ALOX5AP: variants seen among roughly 807,000 people sequenced by gnomAD.
The protein encoded by ALOX5AP is arachidonate 5-lipoxygenase activating protein.
In ALOX5AP, 9 loss-of-function variants were observed where a neutral mutation model predicts 18.5. The observed-to-expected ratio is 0.49, with a 90% CI of 0.29 to 0.85. The LOEUF is 0.85. Among genes scored for constraint, ALOX5AP ranks in the 40% least tolerant of loss-of-function variants. ALOX5AP has a pLI of 0.08. For missense variants in ALOX5AP, 172 were observed against 202.5 expected, an observed-to-expected ratio of 0.85 and a Z score of 0.91; for synonymous variants, 81 against 78.6, an observed-to-expected ratio of 1.03 and a Z score of -0.16.
At chr13:30,753,903 T>C (rs1951871484) in intron 3 of ALOX5AP, among the ~76,000 whole-genome samples, 1 of 152,218 alleles carries the variant, frequency 6.6e-6, no homozygotes, top group African/African-American at 2.4e-5. Context: ...AGGAAAAACT[T>C]TGCCCAAGGC....
chr13:30,751,101 T>C (rs908829927), intron 2 of ALOX5AP, among the ~76,000 whole-genome samples: 3 of 152,226 alleles, frequency 2.0e-5, no homozygotes, highest in Admixed American at 1.3e-4. Flanking sequence ...TCTTGCTCTG[T>C]TGCCTGGGCT....
At chr13:30,732,516 C>A (rs1035435461), upstream of ALOX5AP, among the ~76,000 whole-genome samples, 5 of 152,116 alleles carry the variant, frequency 3.3e-5, 1 homozygote, top group Admixed American at 3.3e-4. Context: ...TTTTTATTTG[C>A]GGGATTAGTC....
At chr13:30,752,220 C>T in intron 3 of ALOX5AP, 98 bp downstream of exon 3, 1 of 1,272,192 alleles carries the variant, frequency 7.9e-7, no homozygotes. Flanking sequence ...TGCCTGACCT[C>T]TGGCTCCCAT....
intron 1 of ALOX5AP, among the ~76,000 whole-genome samples, chr13:30,723,375 A>G (rs552330815): frequency 2.0e-4 from 30 of 152,304 alleles, no homozygotes; most frequent in African/African-American, 5.8e-4. Context: ...GCTCCACTGT[A>G]TTGCTTTTTC....
intron 1 of ALOX5AP, among the ~76,000 whole-genome samples, chr13:30,714,517 C>T (rs1450283770): frequency 1.3e-5 from 2 of 149,180 alleles, no homozygotes; most frequent in African/African-American, 5.0e-5. Context: ...TCCTGTTCTC[C>T]CTGCATTCCT....
intron 1 of ALOX5AP, among the ~76,000 whole-genome samples, chr13:30,736,804 G>A (rs17245442): frequency 0.028 from 4,207 of 152,314 alleles, 197 homozygotes; most frequent in African/African-American, 0.096. Flanking sequence ...ACACAACAAA[G>A]TTGTAGCTCA....
rs1415158743 is a variant in ALOX5AP at position 30,735,679 on chromosome 13, A to T, written c.70+4A>T. 6.2e-7 allele frequency: 1 copy of T among 1,614,104 alleles called. No individual in the cohort carries two copies. The highest frequency in any genetic ancestry group is 1.7e-5 in the Admixed American group (1 of 59,994). On this transcript the variant is annotated splice_donor_region_variant and intron_variant, in intron 1 of 4. Coordinates refer to ENST00000380490, the MANE Select transcript of ALOX5AP (RefSeq NM_001629.4). ...CTCATCAGCGTGGTCCAGAATGGTA[A>T]GGAAAGCCCTTCACTCAGGGAAGAA...
chr13:30,743,927 C>A, intron 1 of ALOX5AP, 133 bp from the exon 2 acceptor site: 1 of 677,724 alleles, frequency 1.5e-6, no homozygotes, highest in Admixed American at 2.2e-5. Context: ...TGCTAAATGA[C>A]AGTTGATGGA....
intron 1 of ALOX5AP, among the ~76,000 whole-genome samples, chr13:30,717,359 A>G (rs1951558152): frequency 6.6e-6 from 1 of 152,108 alleles, no homozygotes; most frequent in Non-Finnish European, 1.5e-5. Context: ...GTGGGGGAAA[A>G]CCCCAAGCAG....
intron 4 of ALOX5AP, among the ~76,000 whole-genome samples, chr13:30,759,240 A>G (rs1204152450): frequency 6.6e-6 from 1 of 152,108 alleles, no homozygotes; most frequent in African/African-American, 2.4e-5. Flanking sequence ...CCTAGCAGGC[A>G]CTGGGTTGCT....
intron 4 of ALOX5AP, among the ~76,000 whole-genome samples, chr13:30,757,204 A>T (rs1951903349): frequency 6.6e-6 from 1 of 152,156 alleles, no homozygotes; most frequent in South Asian, 2.1e-4. Context: ...CTCTATGATT[A>T]GATAGCATCC....
chr13:30,743,986 C>A, intron 1 of ALOX5AP, 74 bp from the exon 2 acceptor site: 3 of 1,265,960 alleles, frequency 2.4e-6, no homozygotes, highest in Non-Finnish European at 3.4e-6. Flanking sequence ...ATTTAACATT[C>A]TAGTAAAACA....
chr13:30,762,596 A>AAAAAAG (rs559851537), intron 4 of ALOX5AP, among the ~76,000 whole-genome samples: 4 of 151,598 alleles, frequency 2.6e-5, no homozygotes, highest in African/African-American at 9.7e-5. Flanking sequence ...TCAAAAAAAA[A>AAAAAAG]AAAAGAAAAG....
chr13:30,717,571 A>T (rs1052050043), intron 1 of ALOX5AP, among the ~76,000 whole-genome samples: 68 of 152,218 alleles, frequency 4.5e-4, no homozygotes, highest in South Asian at 1.0e-3. Flanking sequence ...GAACTCAGGG[A>T]AACACAGCTA....
intron 1 of ALOX5AP, among the ~76,000 whole-genome samples, chr13:30,728,685 C>T (rs1039018601): frequency 6.6e-6 from 1 of 152,008 alleles, no homozygotes; most frequent in Non-Finnish European, 1.5e-5. Flanking sequence ...CCTGTCTGTA[C>T]AAAATAAAAA....
At chr13:30,735,541 T>C, upstream of ALOX5AP, 3 of 1,606,894 alleles carry the variant, frequency 1.9e-6, no homozygotes, top group Non-Finnish European at 2.6e-6. Flanking sequence ...CACTTCCCCT[T>C]CCTGTACAGG....
At chr13:30,763,561 G>A (rs1032569358) in intron 4 of ALOX5AP, among the ~76,000 whole-genome samples, 1 of 152,106 alleles carries the variant, frequency 6.6e-6, no homozygotes, top group Non-Finnish European at 1.5e-5. Context: ...CTGTCGTTAT[G>A]GGCAGCTGCA....
chr13:30,742,081 G>C (rs1197985006), intron 1 of ALOX5AP, among the ~76,000 whole-genome samples: 1 of 152,144 alleles, frequency 6.6e-6, no homozygotes, highest in East Asian at 1.9e-4. Flanking sequence ...ACTTTGGGAG[G>C]CTGAGGCAGG....
chr13:30,717,380 C>T (rs960066498), intron 1 of ALOX5AP, among the ~76,000 whole-genome samples: 2 of 152,218 alleles, frequency 1.3e-5, no homozygotes, highest in Non-Finnish European at 2.9e-5. Context: ...TGGACACTAG[C>T]TGGTGTCCTC....
Sources: gnomAD v4.1 joint callset for allele counts (sites outside exome capture counted in the v4.1 genomes callset) on GRCh38, gnomAD v4.1.1 for gene constraint, MANE v1.5 for transcripts, NCBI Gene and HGNC (gene_info 2026-07-23, HGNC 2026-07-21) for gene names.